The following ARMC2 variants were observed in gnomAD, a reference collection of about 807,000 sequenced individuals.
The protein encoded by ARMC2 is armadillo repeat containing 2.
Under a neutral mutation model 90.3 loss-of-function variants are expected in ARMC2, and 67 were observed. The observed-to-expected ratio is 0.74, with a 90% CI of 0.61 to 0.91. The LOEUF is 0.91. Among genes scored for constraint, ARMC2 ranks in the 40% least tolerant of loss-of-function variants. ARMC2 has a pLI of 0.00. For synonymous variants in ARMC2, 393 were observed against 393.0 expected (o/e 1.00, Z 0.00); for missense variants, 920 against 1,030.9 (o/e 0.89, Z 1.47).
At chr6:108,932,355 G>T (rs960721787) in intron 11 of ARMC2, among the ~76,000 whole-genome samples, 2 of 151,536 alleles carry the variant, frequency 1.3e-5, no homozygotes, top group East Asian at 3.9e-4. Flanking sequence ...ACCTTCCAGG[G>T]TCTTCATAGT....
chr6:109,032,272 C>T, the ARMC2 span, among the ~76,000 whole-genome samples: 4 of 151,442 alleles, frequency 2.6e-5, no homozygotes, highest in African/African-American at 4.9e-5. Context: ...AACTCTGCCT[C>T]AAAAAAGTCT....
Position 108,907,607 on chromosome 6 carries a change from C to T in ARMC2, c.1023+3202C>T. The T allele has an allele frequency of 1.9e-6, 3 of 1,564,898 alleles. No individual in the cohort carries two copies. The South Asian group carries it at 3.4e-5, about 17-fold the overall frequency. On this transcript the variant is annotated intron_variant, in intron 8 of 17. Coordinates refer to ENST00000392644, the MANE Select transcript of ARMC2 (RefSeq NM_032131.6). Reference sequence around the variant, plus strand: ...GGTGGGGGGGTGCAGAGCGTGTCCTCTTCAGTGGTATTTGCGGAGCCACTC... The same window carrying T: ...GGTGGGGGGGTGCAGAGCGTGTCCTTTTCAGTGGTATTTGCGGAGCCACTC...
At chr6:108,872,384 C>G (rs1562336595) in intron 4 of ARMC2, among the ~76,000 whole-genome samples, 1 of 151,732 alleles carries the variant, frequency 6.6e-6, no homozygotes, top group Non-Finnish European at 1.5e-5. Context: ...CTCAGCCATC[C>G]CTGTCACACT....
intron 13 of ARMC2, 47 bp downstream of exon 13, chr6:108,953,398 C>T (rs750811576): frequency 5.2e-6 from 8 of 1,529,880 alleles, no homozygotes; most frequent in South Asian, 2.5e-5. Flanking sequence ...CCAACTTTCC[C>T]GCGGCCCAAA....
At chr6:108,899,178 C>T (rs980756177) in intron 6 of ARMC2, among the ~76,000 whole-genome samples, 2 of 152,120 alleles carry the variant, frequency 1.3e-5, no homozygotes, top group Admixed American at 1.3e-4. Flanking sequence ...GATTTGTCAG[C>T]CCCGAAGGCC....
the ARMC2 span, among the ~76,000 whole-genome samples, chr6:108,981,804 T>A: frequency 6.6e-6 from 1 of 151,980 alleles, no homozygotes; most frequent in Non-Finnish European, 1.5e-5. Context: ...GTAGCTGGGA[T>A]TACAGGCATG....
chr6:109,039,367 C>A, the ARMC2 span, among the ~76,000 whole-genome samples: 1 of 152,170 alleles, frequency 6.6e-6, no homozygotes, highest in African/African-American at 2.4e-5. Flanking sequence ...ACATGATTAA[C>A]TGAGAATTTT....
At chr6:108,952,226 C>T (rs747777326) in intron 12 of ARMC2, among the ~76,000 whole-genome samples, 1 of 152,190 alleles carries the variant, frequency 6.6e-6, no homozygotes, top group African/African-American at 2.4e-5. Context: ...ACATTGTTGT[C>T]AAACTAAAAA....
At chr6:108,962,184 G>A (rs1264966088) in intron 15 of ARMC2, 57 bp downstream of exon 15, 2 of 1,366,610 alleles carry the variant, frequency 1.5e-6, no homozygotes, top group African/African-American at 1.4e-5. Flanking sequence ...AATCAGCTGA[G>A]TGGTTTTGCA....
intron 5 of ARMC2, among the ~76,000 whole-genome samples, chr6:108,878,163 A>G (rs776657680): frequency 4.7e-4 from 72 of 152,360 alleles, no homozygotes; most frequent in Non-Finnish European, 8.4e-4. Context: ...ATGTTAATGA[A>G]TCAGTCTGGG....
intron 15 of ARMC2, among the ~76,000 whole-genome samples, chr6:108,962,436 C>G (rs953255238): frequency 6.6e-6 from 1 of 152,080 alleles, no homozygotes; most frequent in African/African-American, 2.4e-5. Flanking sequence ...ACTAGAATGT[C>G]TATTACATTT....
At chr6:108,931,839 CCA>C (rs1775586634) in intron 11 of ARMC2, among the ~76,000 whole-genome samples, 1 of 151,686 alleles carries the variant, frequency 6.6e-6, no homozygotes, top group Non-Finnish European at 1.5e-5. Flanking sequence ...TCTCGGCTCA[CCA>C]TAACCTCTGC....
At position 108,867,099 on chromosome 6, in the gene ARMC2, G is replaced by A. The variant is rs147306469; in HGVS notation, c.292-1725G>A. On this transcript the variant is annotated intron_variant, in intron 3 of 17. Coordinates refer to ENST00000392644, the MANE Select transcript of ARMC2 (RefSeq NM_032131.6). ...TGGATAGTGACTCACTCATTCACAT[G>A]TTATAGAAGTGACTTTAGGAATGTT... 5.8e-3 allele frequency among the ~76,000 whole-genome samples: 891 copies of A among 152,316 alleles called. 4 individuals are homozygous for A. Among genetic ancestry groups the A allele is most frequent in the South Asian group, 0.013 (62 of 4,820 alleles).
chr6:108,981,900 C>G, the ARMC2 span, among the ~76,000 whole-genome samples: 1 of 152,124 alleles, frequency 6.6e-6, no homozygotes, highest in East Asian at 1.9e-4. Flanking sequence ...CTCCAGGCCT[C>G]AAGTGATCCA....
At chr6:108,947,377 G>A (rs1189246149) in intron 12 of ARMC2, among the ~76,000 whole-genome samples, 1 of 152,056 alleles carries the variant, frequency 6.6e-6, no homozygotes, top group East Asian at 1.9e-4. Flanking sequence ...TTTGACTTTG[G>A]GCTTACTTAA....
chr6:108,995,766 A>G, the ARMC2 span, among the ~76,000 whole-genome samples: 1 of 152,184 alleles, frequency 6.6e-6, no homozygotes, highest in Non-Finnish European at 1.5e-5. Flanking sequence ...CCTGGACAAC[A>G]GAGAGAGACT....
chr6:109,035,120 T>C, the ARMC2 span, among the ~76,000 whole-genome samples: 1 of 152,164 alleles, frequency 6.6e-6, no homozygotes, highest in Non-Finnish European at 1.5e-5. Context: ...ACCACTGCTA[T>C]AGTTCACATC....
the ARMC2 span, among the ~76,000 whole-genome samples, chr6:108,980,467 G>A: frequency 3.1e-3 from 460 of 150,696 alleles, 4 homozygotes; most frequent in East Asian, 0.029. Context: ...ATACGCGGGT[G>A]GCCAGGGAAC....
chr6:109,039,172 G>GGAGGAGGAGAAGA, the ARMC2 span, among the ~76,000 whole-genome samples: 1 of 151,716 alleles, frequency 6.6e-6, no homozygotes, highest in Admixed American at 6.6e-5. Context: ...GGAGAAGAAA[G>GGAGGAGGAGAAGA]AAGAAGAAGA....
Sources: gnomAD v4.1 joint callset for allele counts (sites outside exome capture counted in the v4.1 genomes callset) on GRCh38, gnomAD v4.1.1 for gene constraint, MANE v1.5 for transcripts, NCBI Gene and HGNC (gene_info 2026-07-23, HGNC 2026-07-21) for gene names.